Variants in MSI2 observed in about 807,000 individuals in gnomAD.
MSI2 encodes RNA-binding protein Musashi homolog 2.
In MSI2, 17 loss-of-function variants were observed where a neutral mutation model predicts 45.6. The ratio of observed to expected loss-of-function variants is 0.37; its 90% CI spans 0.26 to 0.56. MSI2 has a LOEUF of 0.56. MSI2 is among the 20% of genes least tolerant of loss of function. The pLI, the probability that MSI2 is intolerant of heterozygous loss-of-function variation, is 0.77. For missense variants in MSI2, 293 were observed against 444.2 expected (o/e 0.66, Z 3.06); for synonymous variants, 156 against 158.2 (o/e 0.99, Z 0.11).
chr17:57,560,115 T>G (rs2087536629), intron 7 of MSI2, among the ~76,000 whole-genome samples: 1 of 152,234 alleles, frequency 6.6e-6, no homozygotes, highest in Non-Finnish European at 1.5e-5. Context: ...GAGGAGACTG[T>G]TTAAAATTGC....
chr17:57,459,064 C>T (rs1598294217), intron 6 of MSI2, among the ~76,000 whole-genome samples: 1 of 152,178 alleles, frequency 6.6e-6, no homozygotes, highest in African/African-American at 2.4e-5. Context: ...CAGAGGCAGG[C>T]CAATGCTCTT....
At chr17:57,373,744 T>C (rs2083454040) in intron 5 of MSI2, among the ~76,000 whole-genome samples, 1 of 152,206 alleles carries the variant, frequency 6.6e-6, no homozygotes, top group Non-Finnish European at 1.5e-5. Context: ...AAGGCCTCCA[T>C]GGCTGCCACT....
intron 6 of MSI2, chr17:57,522,456 T>TG (rs2086610150): frequency 6.6e-6 from 1 of 151,998 alleles, no homozygotes; most frequent in South Asian, 2.1e-4. Flanking sequence ...CTTGCGGGTG[T>TG]GTATATTTAT....
chr17:57,257,959 A>G (rs907466647), intron 3 of MSI2, among the ~76,000 whole-genome samples: 7 of 152,202 alleles, frequency 4.6e-5, no homozygotes, highest in African/African-American at 1.7e-4. Context: ...TTTCTTCGGA[A>G]TAAAACAAAG....
chr17:57,578,794 A>T (rs918049531), intron 7 of MSI2, among the ~76,000 whole-genome samples: 1 of 152,128 alleles, frequency 6.6e-6, no homozygotes, highest in Non-Finnish European at 1.5e-5. Flanking sequence ...TGGAACAGTA[A>T]CAAATCATTA....
intron 5 of MSI2, among the ~76,000 whole-genome samples, chr17:57,357,031 T>C (rs1916472891): frequency 1.3e-5 from 2 of 152,142 alleles, no homozygotes; most frequent in African/African-American, 4.8e-5. Flanking sequence ...GCCCATTCAG[T>C]AGACCCTTCC....
chr17:57,604,881 C>A (rs143645113), intron 8 of MSI2, among the ~76,000 whole-genome samples: 30 of 151,606 alleles, frequency 2.0e-4, no homozygotes, highest in East Asian at 1.6e-3. Flanking sequence ...CTCACCCCCC[C>A]ACTCCTTCCA....
At chr17:57,403,732 G>A (rs577820359) in intron 6 of MSI2, among the ~76,000 whole-genome samples, 20 of 152,158 alleles carry the variant, frequency 1.3e-4, no homozygotes, top group African/African-American at 4.6e-4. Context: ...GTCCCCTTGG[G>A]CAGGACTCAC....
chr17:57,450,267 G>GAAAGAAAGA (rs1555607226), intron 6 of MSI2: 869 of 75,394 alleles, frequency 0.012, 49 homozygotes, highest in African/African-American at 0.045. Context: ...AAGAAAGAAA[G>GAAAGAAAGA]AAAGAAAGAA....
chr17:57,468,532 A>G (rs1393254760), intron 6 of MSI2, among the ~76,000 whole-genome samples: 2 of 151,090 alleles, frequency 1.3e-5, no homozygotes, highest in Admixed American at 6.6e-5. Flanking sequence ...AAAAAAAAAA[A>G]AAAAAACAAG....
chr17:57,587,838 C>A (rs1904453077), intron 7 of MSI2, among the ~76,000 whole-genome samples: 1 of 152,100 alleles, frequency 6.6e-6, no homozygotes, highest in Non-Finnish European at 1.5e-5. Flanking sequence ...GAATGGGGCT[C>A]GTTTATCAAG....
At chr17:57,377,140 T>C (rs1043098226) in intron 5 of MSI2, among the ~76,000 whole-genome samples, 1 of 152,124 alleles carries the variant, frequency 6.6e-6, no homozygotes, top group Non-Finnish European at 1.5e-5. Flanking sequence ...CAGGATGGTC[T>C]CGATCTCCTG....
At chr17:57,674,941 C>A (rs770545001) in intron 11 of MSI2, 31 bp from the exon 12 acceptor site, 1 of 1,611,760 alleles carries the variant, frequency 6.2e-7, no homozygotes. Flanking sequence ...CAGTGCTCAA[C>A]CGAATTTTGG....
At chr17:57,685,868 C>T (rs760685005), downstream of MSI2, among the ~76,000 whole-genome samples, 2 of 152,180 alleles carry the variant, frequency 1.3e-5, no homozygotes, top group Non-Finnish European at 2.9e-5. Context: ...CACATGAGGC[C>T]GGCCATCGTG....
chr17:57,546,622 A>G (rs866941222), intron 7 of MSI2, among the ~76,000 whole-genome samples: 5 of 152,204 alleles, frequency 3.3e-5, no homozygotes, highest in Admixed American at 2.6e-4. Flanking sequence ...CTGGGCAGCC[A>G]GGGACGACCA....
chr17:57,390,092 A>G (rs1419809633), intron 5 of MSI2, among the ~76,000 whole-genome samples: 1 of 144,568 alleles, frequency 6.9e-6, no homozygotes, highest in Non-Finnish European at 1.5e-5. Flanking sequence ...AAAAAAAAAG[A>G]AAGAAAAGAA....
intron 5 of MSI2, among the ~76,000 whole-genome samples, chr17:57,327,214 C>T (rs1913871407): frequency 6.6e-6 from 1 of 152,156 alleles, no homozygotes; most frequent in African/African-American, 2.4e-5. Flanking sequence ...TTTGAGGTTG[C>T]AGCAACCTAT....
At position 57,681,719 on chromosome 17, in the gene MSI2, GTTTCT is replaced by G; in HGVS notation, c.*2212_*2216del. On this transcript the variant is annotated 3_prime_UTR_variant, in exon 14 of 14. Transcript: ENST00000284073. ...TTTTTGTTGTTTTTTTCCTTTCTTTGTTTCTTTTCTTTTCCCCCAAACAACCAGAT... is the reference window on the plus strand; with the variant it reads ...TTTTTGTTGTTTTTTTCCTTTCTTTGTTTCTTTTCCCCCAAACAACCAGAT... 5.4e-6 allele frequency: 1 copy of G among 185,376 alleles called. No homozygotes were observed. 11.5% of individuals were successfully genotyped at this position (185,376 alleles called of 1,614,324 possible).
chr17:57,434,972 A>G (rs1416982721), intron 6 of MSI2, among the ~76,000 whole-genome samples: 1 of 152,208 alleles, frequency 6.6e-6, no homozygotes, highest in East Asian at 1.9e-4. Context: ...CATACATTTC[A>G]GTGGAGGGTT....
Sources: gnomAD v4.1 joint callset for allele counts (sites outside exome capture counted in the v4.1 genomes callset) on GRCh38, gnomAD v4.1.1 for gene constraint, MANE v1.5 for transcripts, NCBI Gene and HGNC (gene_info 2026-07-23, HGNC 2026-07-21) for gene names.